MAPK10: variants seen among roughly 807,000 people sequenced by gnomAD.
MAPK10 encodes the protein mitogen-activated protein kinase 10, also known as JNK3 alpha protein kinase.
Under a neutral mutation model 59.3 loss-of-function variants are expected in MAPK10, and 25 were observed. The ratio of observed to expected loss-of-function variants is 0.42; its 90% CI spans 0.31 to 0.59. MAPK10 has a LOEUF of 0.59. Ranked by LOEUF, MAPK10 falls within the 20% of genes least tolerant of loss-of-function variation. MAPK10 has a pLI of 0.15. For missense variants in MAPK10, 351 were observed against 568.9 expected, an observed-to-expected ratio of 0.62 and a Z score of 3.90; for synonymous variants, 190 against 200.5, an observed-to-expected ratio of 0.95 and a Z score of 0.44.
chr4:86,457,308 G>A (rs1751323430), upstream of MAPK10, among the ~76,000 whole-genome samples: 1 of 152,166 alleles, frequency 6.6e-6, no homozygotes, highest in Non-Finnish European at 1.5e-5. Flanking sequence ...CCTAGCCAGA[G>A]CAACCAGACA....
chr4:86,223,103 G>A (rs952188587), intron 2 of MAPK10, among the ~76,000 whole-genome samples: 6 of 152,152 alleles, frequency 3.9e-5, no homozygotes, highest in African/African-American at 1.4e-4. Context: ...GGATTCTGGA[G>A]GCAACATATT....
At chr4:86,393,348 T>G (rs1742487187) in intron 1 of MAPK10, among the ~76,000 whole-genome samples, 1 of 151,768 alleles carries the variant, frequency 6.6e-6, no homozygotes, top group Admixed American at 6.6e-5. Context: ...TTTTTTTTTT[T>G]AAGGAAAATA....
chr4:86,169,132 C>T (rs1160440297), intron 3 of MAPK10, among the ~76,000 whole-genome samples: 1 of 152,060 alleles, frequency 6.6e-6, no homozygotes, highest in Non-Finnish European at 1.5e-5. Flanking sequence ...AACAGAAAAA[C>T]CGGAAACTCT....
chr4:86,383,535 C>T (rs1432826281), intron 1 of MAPK10, among the ~76,000 whole-genome samples: 1 of 151,874 alleles, frequency 6.6e-6, no homozygotes. Flanking sequence ...CAAAAATAAA[C>T]CAGTTATTAA....
At chr4:86,380,759 T>C (rs957929355) in intron 1 of MAPK10, among the ~76,000 whole-genome samples, 1 of 152,082 alleles carries the variant, frequency 6.6e-6, no homozygotes, top group African/African-American at 2.4e-5. Flanking sequence ...TGTGGCTATT[T>C]GGATGAGCCA....
At chr4:86,164,178 C>T (rs948637114) in intron 3 of MAPK10, among the ~76,000 whole-genome samples, 1 of 152,094 alleles carries the variant, frequency 6.6e-6, no homozygotes, top group Non-Finnish European at 1.5e-5. Flanking sequence ...AGCTGTGAAA[C>T]CTTGGGCAAA....
intron 1 of MAPK10, among the ~76,000 whole-genome samples, chr4:86,503,238 T>G (rs903055108): frequency 6.6e-6 from 1 of 152,140 alleles, no homozygotes; most frequent in Admixed American, 6.6e-5. Flanking sequence ...TAGACTCTTT[T>G]GTCTCTGGCT....
At chr4:86,235,224 A>AT (rs2092093335) in intron 2 of MAPK10, among the ~76,000 whole-genome samples, 2 of 152,210 alleles carry the variant, frequency 1.3e-5, no homozygotes, top group Non-Finnish European at 2.9e-5. Flanking sequence ...GAGAACTTTT[A>AT]TGAGTCCCAC....
chr4:86,075,643 A>C (rs1027133238), intron 9 of MAPK10, among the ~76,000 whole-genome samples: 1 of 150,536 alleles, frequency 6.6e-6, no homozygotes, highest in African/African-American at 2.4e-5. Context: ...GTCTGTTGGA[A>C]TACCCTGCTG....
chr4:86,557,460 AAGGC>A (rs1409789913), intron 1 of MAPK10, among the ~76,000 whole-genome samples: 1 of 152,068 alleles, frequency 6.6e-6, no homozygotes, highest in East Asian at 1.9e-4. Context: ...GTAGAACTCT[AAGGC>A]ACAACAGTTT....
At chr4:86,537,742 T>C (rs1234274000) in intron 1 of MAPK10, among the ~76,000 whole-genome samples, 2 of 152,224 alleles carry the variant, frequency 1.3e-5, no homozygotes, top group Non-Finnish European at 2.9e-5. Flanking sequence ...CTAGGTTATA[T>C]GTGTGGAAAA....
At chr4:86,145,706 C>T (rs2149193510) in intron 4 of MAPK10, among the ~76,000 whole-genome samples, 1 of 152,156 alleles carries the variant, frequency 6.6e-6, no homozygotes, top group South Asian at 2.1e-4. Context: ...TTCTCTCTTT[C>T]TTGCTATTTC....
Position 86,067,255 on chromosome 4 carries a change from C to T in MAPK10, c.985+518G>A, listed in dbSNP as rs193214285. Among the ~76,000 whole-genome samples the T allele has an allele frequency of 3.2e-3, 485 of 152,274 alleles. 4 individuals carry two copies. The highest frequency in any genetic ancestry group is 0.011 in the African/African-American group (459 of 41,560). On this transcript the variant is annotated intron_variant, in intron 10 of 13. Transcript: ENST00000641462. ...CTCCTAGGTTCAAGCGACTCTCCTG[C>T]CTCAGCCTCCTGAGTAGCTGGGACT...
intron 6 of MAPK10, 104 bp from the exon 7 acceptor site, chr4:86,102,136 T>G: frequency 1.0e-6 from 1 of 995,746 alleles, no homozygotes. Context: ...CTGAACTTCT[T>G]AGCTCTGCCT....
chr4:86,574,023 G>T lies in MAPK10; in HGVS notation c.-263+19887C>A, dbSNP rs566336887. Among the ~76,000 whole-genome samples, 103 of 152,198 alleles carry T rather than the reference G, an allele frequency of 6.8e-4. 3 individuals are homozygous for T. The South Asian group carries it at 0.019, about 28-fold the overall frequency. On this transcript the variant is annotated intron_variant, in intron 1 of 4. Transcript: ENST00000502302. The stretch of plus-strand genomic sequence containing the variant: ...GCACCCATTAACTCGTCATTTAGCA[G>T]TAGGTATATCTCCTAATGCTATCCT...
At chr4:86,234,663 A>T (rs1485594150) in intron 2 of MAPK10, among the ~76,000 whole-genome samples, 1 of 152,116 alleles carries the variant, frequency 6.6e-6, no homozygotes, top group Non-Finnish European at 1.5e-5. Flanking sequence ...TCCATTTAAA[A>T]TCACCATCTT....
intron 1 of MAPK10, among the ~76,000 whole-genome samples, chr4:86,504,296 C>T (rs74635932): frequency 0.048 from 7,348 of 152,068 alleles, 235 homozygotes; most frequent in African/African-American, 0.061. Flanking sequence ...CAGAATGAAC[C>T]TCTCTACAGA....
At chr4:86,402,966 A>G (rs1743911147) in intron 1 of MAPK10, among the ~76,000 whole-genome samples, 1 of 152,116 alleles carries the variant, frequency 6.6e-6, no homozygotes, top group Non-Finnish European at 1.5e-5. Flanking sequence ...AAATTTTGCA[A>G]TCACATTGTC....
chr4:86,321,457 T>C (rs2095889194), intron 2 of MAPK10, among the ~76,000 whole-genome samples: 1 of 151,650 alleles, frequency 6.6e-6, no homozygotes, highest in Non-Finnish European at 1.5e-5. Flanking sequence ...AAATTGGAAA[T>C]CATCATTCTC....
Sources: allele counts gnomAD v4.1 joint callset (sites outside exome capture counted in the v4.1 genomes callset), GRCh38; gene constraint gnomAD v4.1.1; transcripts MANE v1.5; gene names NCBI Gene and HGNC (gene_info 2026-07-23, HGNC 2026-07-21).